The following SH3RF3 variants were observed in gnomAD, a reference collection of about 807,000 sequenced individuals.
The protein encoded by SH3RF3 is E3 ubiquitin-protein ligase SH3RF3.
In SH3RF3, 29 loss-of-function variants were observed where a neutral mutation model predicts 66.3. The observed-to-expected ratio is 0.44, with a 90% CI of 0.33 to 0.60. The LOEUF (loss-of-function observed/expected upper bound fraction) is 0.60, where lower values mean the gene tolerates loss of function less well. Among genes scored for constraint, SH3RF3 ranks in the 20% least tolerant of loss-of-function variants. The pLI is 0.04. For missense variants in SH3RF3, 1,194 were observed against 1,190.9 expected (o/e 1.00, Z -0.04); for synonymous variants, 583 against 532.0 (o/e 1.10, Z -1.32).
At chr2:109,204,360 CCTTAT>C (rs1368842295) in intron 1 of SH3RF3, among the ~76,000 whole-genome samples, 5 of 152,176 alleles carry the variant, frequency 3.3e-5, no homozygotes, top group Non-Finnish European at 5.9e-5. Flanking sequence ...GCAGGAATCT[CCTTAT>C]CTTATCTTTT....
chr2:109,496,070 G>A (rs74216344), intron 9 of SH3RF3, among the ~76,000 whole-genome samples: 38,831 of 152,000 alleles, frequency 0.26, 5,318 homozygotes, highest in East Asian at 0.5. Flanking sequence ...CCCTGGGGTG[G>A]CCAGCTTTTA....
At chr2:109,361,236 G>A (rs974387641) in intron 2 of SH3RF3, among the ~76,000 whole-genome samples, 1 of 152,066 alleles carries the variant, frequency 6.6e-6, no homozygotes, top group Non-Finnish European at 1.5e-5. Context: ...CTAATATTTT[G>A]TTGAGGATAT....
rs184674649 is a variant in SH3RF3 at position 109,240,473 on chromosome 2, C to T, written c.574-107201C>T. ...TCTGCACTCCAGCCTGGGCGACAAA[C>T]AAAAAAACAAACAAACAAAATACAA... On this transcript the variant is annotated intron_variant, in intron 1 of 9. Coordinates refer to ENST00000309415, the MANE Select transcript of SH3RF3 (RefSeq NM_001099289.3). 1.3e-4 allele frequency among the ~76,000 whole-genome samples: 20 copies of T among 152,070 alleles called. No homozygotes were observed. The East Asian group carries it at 3.5e-3, about 26-fold the overall frequency.
intron 1 of SH3RF3, among the ~76,000 whole-genome samples, chr2:109,343,590 A>G (rs148133143): frequency 1.2e-3 from 177 of 152,156 alleles, no homozygotes; most frequent in Non-Finnish European, 2.3e-3. Flanking sequence ...CCATGCTCTC[A>G]CAGCTTGCTT....
At chr2:109,369,181 TAA>T (rs748661837) in intron 2 of SH3RF3, among the ~76,000 whole-genome samples, 4 of 138,218 alleles carry the variant, frequency 2.9e-5, no homozygotes, top group Admixed American at 7.2e-5. Flanking sequence ...CGTCTCTTCT[TAA>T]AAAAAAAAAA....
At chr2:109,166,982 C>T (rs1055040975) in intron 1 of SH3RF3, among the ~76,000 whole-genome samples, 12 of 152,180 alleles carry the variant, frequency 7.9e-5, no homozygotes, top group Non-Finnish European at 1.5e-4. Flanking sequence ...CCCTTTGCCT[C>T]CAGCAAGCTA....
At chr2:109,465,754 A>G (rs1364015108) in intron 8 of SH3RF3, among the ~76,000 whole-genome samples, 1 of 152,222 alleles carries the variant, frequency 6.6e-6, no homozygotes. Context: ...GAGGGAACAA[A>G]GAGTCTCACA....
chr2:109,471,162 G>A (rs1271595537), intron 8 of SH3RF3, among the ~76,000 whole-genome samples: 1 of 137,900 alleles, frequency 7.3e-6, no homozygotes, highest in Non-Finnish European at 1.5e-5. Flanking sequence ...GCAATGAGCC[G>A]AGATCGTGCC....
At chr2:109,132,249 A>T (rs149895128) in intron 1 of SH3RF3, among the ~76,000 whole-genome samples, 111 of 152,302 alleles carry the variant, frequency 7.3e-4, no homozygotes, top group African/African-American at 2.6e-3. Context: ...CAATTAGGGT[A>T]TGTATACTTT....
At position 109,501,551 on chromosome 2, in the gene SH3RF3, G is replaced by A. The variant is rs1267792245; in HGVS notation, c.2529G>A (p.Glu843=). Reference sequence around the variant, plus strand: ...CACCCCAGAGTGAGGCGGAGATCGAGCTGAAGGAAGGCGACATCGTCTTTG... The same window carrying A: ...CACCCCAGAGTGAGGCGGAGATCGAACTGAAGGAAGGCGACATCGTCTTTG... ...SYPPQSEAEI[E]LKEGDIVFVH... The change falls in exon 10 of 10, where the codon GAG becomes GAA. Residue 843 remains glutamate (E), a synonymous_variant. Transcript: ENST00000309415. 1.3e-6 allele frequency: 1 copy of A among 779,756 alleles called. No individual in the cohort carries two copies. Among genetic ancestry groups the A allele is most frequent in the Non-Finnish European group, 2.4e-6 (1 of 417,598 alleles). 48.3% of individuals were successfully genotyped at this position (779,756 alleles called of 1,614,324 possible). A position where few individuals can be genotyped will look rare whatever the true frequency, so the allele number is the denominator to read the frequency against.
At chr2:109,169,710 A>T (rs1331558216) in intron 1 of SH3RF3, among the ~76,000 whole-genome samples, 1 of 151,340 alleles carries the variant, frequency 6.6e-6, no homozygotes, top group African/African-American at 2.4e-5. Context: ...CTCTCTATAT[A>T]TATCTATATA....
intron 1 of SH3RF3, among the ~76,000 whole-genome samples, chr2:109,273,444 G>A (rs142140075): frequency 2.0e-4 from 30 of 152,340 alleles, no homozygotes; most frequent in Middle Eastern, 3.4e-3. Flanking sequence ...GGAGGTGTGC[G>A]GGGCTGGGCG....
intron 1 of SH3RF3, chr2:109,313,576 TC>T (rs1325182634): frequency 6.5e-6 from 1 of 154,942 alleles, no homozygotes; most frequent in Non-Finnish European, 1.5e-5. Flanking sequence ...ATAGGGACTG[TC>T]CTTGGCCAAG....
intron 1 of SH3RF3, among the ~76,000 whole-genome samples, chr2:109,249,708 T>C (rs111548906): frequency 0.018 from 2,721 of 151,154 alleles, 92 homozygotes; most frequent in African/African-American, 0.063. Flanking sequence ...AGTACAGTGG[T>C]GCGATCTCAG....
intron 1 of SH3RF3, among the ~76,000 whole-genome samples, chr2:109,167,481 TATTC>T (rs2104931622): frequency 6.6e-6 from 1 of 152,324 alleles, no homozygotes; most frequent in Non-Finnish European, 1.5e-5. Context: ...GCTGGTGTCT[TATTC>T]ATTATTTCCT....
intron 1 of SH3RF3, among the ~76,000 whole-genome samples, chr2:109,329,575 A>G (rs996044629): frequency 6.6e-6 from 1 of 152,174 alleles, no homozygotes; most frequent in Non-Finnish European, 1.5e-5. Flanking sequence ...AGCAAGTTTC[A>G]GAGGTGGAAG....
At chr2:109,358,229 A>G (rs1436091928) in intron 2 of SH3RF3, among the ~76,000 whole-genome samples, 3 of 152,114 alleles carry the variant, frequency 2.0e-5, no homozygotes, top group African/African-American at 7.2e-5. Flanking sequence ...TTAATAGCTC[A>G]TTTCCTTTTT....
At chr2:109,488,883 G>A (rs181953215) in intron 8 of SH3RF3, among the ~76,000 whole-genome samples, 3 of 152,322 alleles carry the variant, frequency 2.0e-5, no homozygotes, top group Admixed American at 1.3e-4. Context: ...AGATAGGCCG[G>A]GAGGCTGCAA....
chr2:109,199,131 G>A (rs544006978), intron 1 of SH3RF3, among the ~76,000 whole-genome samples: 5 of 151,816 alleles, frequency 3.3e-5, no homozygotes, highest in Non-Finnish European at 5.9e-5. Flanking sequence ...AGGCTGAGGC[G>A]GGTGGATCAC....
Sources: allele counts gnomAD v4.1 joint callset (sites outside exome capture counted in the v4.1 genomes callset), GRCh38; gene constraint gnomAD v4.1.1; transcripts MANE v1.5; gene names NCBI Gene and HGNC (gene_info 2026-07-23, HGNC 2026-07-21).